Variants in DEFB109B observed in about 807,000 individuals in gnomAD.
DEFB109B encodes the protein beta-defensin 109B.
intron 1 of DEFB109B, among the ~76,000 whole-genome samples, chr8:7,317,585 C>CT (rs1488170823): frequency 8.3e-6 from 1 of 119,920 alleles, no homozygotes; most frequent in Non-Finnish European, 1.6e-5. Context: ...AAGCCTAAAT[C>CT]TTTCTTTCAT....
upstream of DEFB109B, among the ~76,000 whole-genome samples, chr8:7,310,562 A>C (rs1421538854): frequency 2.2e-5 from 3 of 138,190 alleles, no homozygotes; most frequent in Non-Finnish European, 4.4e-5. Flanking sequence ...TGTCATCTGC[A>C]CCTCTGCCTT....
rs1231424605 is a variant in DEFB109B at position 7,313,763 on chromosome 8, T to C, written n.58+860T>C. On this transcript the variant is annotated intron_variant and non_coding_transcript_variant, in intron 1 of 1. Transcript: ENST00000382656. ...ATTATAAATACAAAATATAAATTAA[T>C]GAAACAAATGAGAAAAAACAGTATT... 3.7e-5 allele frequency among the ~76,000 whole-genome samples: 5 copies of C among 135,186 alleles called. 1 individual carries two copies. Among genetic ancestry groups the C allele is most frequent in the Admixed American group, 1.4e-4 (2 of 14,802 alleles). 88.7% of individuals were successfully genotyped at this position (135,186 alleles called of 152,430 possible). A position where few individuals can be genotyped will look rare whatever the true frequency, so the allele number is the denominator to read the frequency against.
rs568277422 is a variant in DEFB109B, at chr8:7,316,755, T to C, written n.59-2991T>C. On this transcript the variant is annotated intron_variant and non_coding_transcript_variant, in intron 1 of 1. Coordinates refer to ENST00000382656, the Ensembl canonical transcript of DEFB109B. ...GATTCTCCTGCCTCAGCCTCCTGAG[T>C]AGCTGGGACTACAAGTGTCCACCAC... Among the ~76,000 whole-genome samples the C allele has an allele frequency of 1.6e-3, 231 of 141,930 alleles. 14 individuals carry two copies. Among genetic ancestry groups the C allele is most frequent in the African/African-American group, 6.5e-3 (209 of 32,162 alleles). The allele number at this position is 141,930 out of a possible 152,430, so 93.1% of individuals were successfully genotyped here.
chr8:7,315,869 T>G lies in DEFB109B; in HGVS notation n.58+2966T>G, dbSNP rs541018855. On this transcript the variant is annotated intron_variant and non_coding_transcript_variant, in intron 1 of 1. Coordinates refer to ENST00000382656, the Ensembl canonical transcript of DEFB109B. ...CTATAGATTATCCAGCTTATTCTTT[T>G]GTCAGGGCAAGAGCATTTTTCTATA... 8.5e-3 allele frequency among the ~76,000 whole-genome samples: 1,175 copies of G among 138,138 alleles called. 25 individuals are homozygous for G. Among genetic ancestry groups the G allele is most frequent in the Non-Finnish European group, 0.012 (787 of 66,662 alleles). The allele number at this position is 138,138 out of a possible 152,430, so 90.6% of individuals were successfully genotyped here.
At chr8:7,311,992 A>G (rs1802632168), upstream of DEFB109B, among the ~76,000 whole-genome samples, 1 of 129,100 alleles carries the variant, frequency 7.7e-6, no homozygotes, top group Admixed American at 7.1e-5. Flanking sequence ...TCATAATAAG[A>G]TAATGGAGAT....
chr8:7,316,868 C>T (rs1313201055), intron 1 of DEFB109B, among the ~76,000 whole-genome samples: 1 of 129,170 alleles, frequency 7.7e-6, no homozygotes, highest in Non-Finnish European at 1.5e-5. Flanking sequence ...TTCTTGAACT[C>T]CTGACCTCGT....
chr8:7,316,008 T>C (rs895036779), intron 1 of DEFB109B, among the ~76,000 whole-genome samples: 3 of 41,420 alleles, frequency 7.2e-5, no homozygotes, highest in Non-Finnish European at 1.2e-4. Flanking sequence ...CCAAGTTGAC[T>C]CTGAGATCAG....
upstream of DEFB109B, among the ~76,000 whole-genome samples, chr8:7,310,576 T>C (rs1289232364): frequency 7.2e-6 from 1 of 138,378 alleles, no homozygotes; most frequent in Non-Finnish European, 1.5e-5. Flanking sequence ...CTGCCTTAGG[T>C]AATACTGTGT....
intron 1 of DEFB109B, among the ~76,000 whole-genome samples, chr8:7,315,511 AAAG>A (rs1554508737): frequency 4.5e-5 from 6 of 134,002 alleles, no homozygotes; most frequent in South Asian, 4.5e-4. Flanking sequence ...AAAAAAAAAA[AAAG>A]AAGAAGAAGA....
chr8:7,313,662 A>C (rs1349190327), intron 1 of DEFB109B, among the ~76,000 whole-genome samples: 1 of 144,362 alleles, frequency 6.9e-6, no homozygotes, highest in Non-Finnish European at 1.5e-5. Flanking sequence ...GCTAAAATTT[A>C]CTGGGCTAAG....
intron 1 of DEFB109B, chr8:7,318,787 A>T (rs1254655141): frequency 6.9e-6 from 1 of 145,244 alleles, no homozygotes; most frequent in Non-Finnish European, 1.5e-5. Context: ...AGAGATCTTC[A>T]TTAAATTATC....
chr8:7,315,285 A>C (rs1312053957), intron 1 of DEFB109B, among the ~76,000 whole-genome samples: 2 of 129,852 alleles, frequency 1.5e-5, no homozygotes, highest in Non-Finnish European at 3.0e-5. Context: ...TGGGAGGCCG[A>C]GGCCGGCAGA....
At chr8:7,313,276 A>C (rs1344819296) in intron 1 of DEFB109B, among the ~76,000 whole-genome samples, 1 of 146,134 alleles carries the variant, frequency 6.8e-6, no homozygotes, top group Non-Finnish European at 1.5e-5. Flanking sequence ...GCAGGCAGTT[A>C]GATCTGACAG....
upstream of DEFB109B, among the ~76,000 whole-genome samples, chr8:7,310,356 T>G (rs34700523): frequency 0.045 from 2,158 of 47,684 alleles, 50 homozygotes; most frequent in Middle Eastern, 0.13. Context: ...ATACAGCACT[T>G]GCATAGGATG....
Position 7,319,371 on chromosome 8 carries a change from G to A in DEFB109B, n.59-375G>A, listed in dbSNP as rs1265524592. The stretch of plus-strand genomic sequence containing the variant: ...TTTGGCTAGAAACAAAAGCAGAAAG[G>A]GACTATCTGTATCAGCCACAAGGTG... On this transcript the variant is annotated intron_variant and non_coding_transcript_variant, in intron 1 of 1. Coordinates refer to ENST00000382656, the Ensembl canonical transcript of DEFB109B. 4 of 145,668 alleles carry A rather than the reference G, an allele frequency of 2.7e-5. No individual in the cohort carries two copies. In the East Asian group the frequency reaches 5.8e-4, roughly 21 times the overall value. 9.0% of individuals were successfully genotyped at this position (145,668 alleles called of 1,614,324 possible).
rs1020858869 is a variant in DEFB109B, at chr8:7,315,287, G to A, written n.58+2384G>A. ...AATCCCAGCACTTTGGGAGGCCGAG[G>A]CCGGCAGATCACGAGGTCAGTGGCT... is the stretch of plus-strand genomic sequence containing the variant. On this transcript the variant is annotated intron_variant and non_coding_transcript_variant, in intron 1 of 1. Transcript: ENST00000382656. 5.4e-4 allele frequency among the ~76,000 whole-genome samples: 70 copies of A among 130,050 alleles called. 8 individuals carry two copies. Among genetic ancestry groups the A allele is most frequent in the African/African-American group, 2.7e-3 (64 of 23,974 alleles). The allele number at this position is 130,050 out of a possible 152,430, so 85.3% of individuals were successfully genotyped here. A position where few individuals can be genotyped will look rare whatever the true frequency, so the allele number is the denominator to read the frequency against.
At chr8:7,318,817 T>C (rs1803109022) in intron 1 of DEFB109B, 1 of 145,508 alleles carries the variant, frequency 6.9e-6, no homozygotes, top group African/African-American at 2.9e-5. Flanking sequence ...ATAAAGGTCA[T>C]CTGGAGGAAA....
chr8:7,319,924 A>G (rs1263363450), exon 2 of DEFB109B: 1 of 75,406 alleles, frequency 1.3e-5, no homozygotes, highest in East Asian at 3.9e-4. Context: ...CAGATTATCA[A>G]GAACCCCTTA....
chr8:7,309,593 G>A (rs1802494822), upstream of DEFB109B, among the ~76,000 whole-genome samples: 1 of 147,808 alleles, frequency 6.8e-6, no homozygotes, highest in Admixed American at 6.6e-5. Flanking sequence ...CTGCAACAGA[G>A]CATGCCCTTC....
Sources: allele counts gnomAD v4.1 joint callset (sites outside exome capture counted in the v4.1 genomes callset), GRCh38; gene constraint gnomAD v4.1.1; transcripts MANE v1.5; gene names NCBI Gene and HGNC (gene_info 2026-07-23, HGNC 2026-07-21).